GATAD2B: variants seen among roughly 807,000 people sequenced by gnomAD.
GATAD2B encodes transcriptional repressor p66-beta.
GATAD2B carries 8 observed loss-of-function variants against 64.3 expected under a neutral mutation model. The ratio of observed to expected loss-of-function variants is 0.12; its 90% CI spans 0.07 to 0.22. The LOEUF (loss-of-function observed/expected upper bound fraction) is 0.22, where lower values mean the gene tolerates loss of function less well. Among genes scored for constraint, GATAD2B ranks in the 10% least tolerant of loss-of-function variants. The pLI, the probability that GATAD2B is intolerant of heterozygous loss-of-function variation, is 1.00. For synonymous variants in GATAD2B, 281 were observed against 271.3 expected (o/e 1.04, Z -0.35); for missense variants, 453 against 752.0 (o/e 0.60, Z 4.65).
chr1:153,849,520 C>T (rs1485635939), intron 1 of GATAD2B, among the ~76,000 whole-genome samples: 1 of 152,176 alleles, frequency 6.6e-6, no homozygotes, highest in Non-Finnish European at 1.5e-5. Flanking sequence ...CAAATGACAC[C>T]ACTATTCAAA....
At chr1:153,821,244 A>G (rs980054653) in intron 2 of GATAD2B, among the ~76,000 whole-genome samples, 1 of 151,846 alleles carries the variant, frequency 6.6e-6, no homozygotes, top group African/African-American at 2.4e-5. Flanking sequence ...TCAGCCACCC[A>G]AAGTGTTGGA....
At chr1:153,877,887 TAAA>T (rs36032008) in intron 1 of GATAD2B, among the ~76,000 whole-genome samples, 3 of 110,858 alleles carry the variant, frequency 2.7e-5, no homozygotes, top group Admixed American at 9.2e-5. Flanking sequence ...CAAAAAAACT[TAAA>T]AAAAAAAAAA....
At chr1:153,859,733 T>A (rs1676213150) in intron 1 of GATAD2B, among the ~76,000 whole-genome samples, 2 of 151,618 alleles carry the variant, frequency 1.3e-5, no homozygotes, top group African/African-American at 4.8e-5. Flanking sequence ...AGTAATAATA[T>A]GTCCTAGTTT....
chr1:153,825,841 G>C (rs1448533375), intron 2 of GATAD2B, among the ~76,000 whole-genome samples: 2 of 152,166 alleles, frequency 1.3e-5, no homozygotes, highest in African/African-American at 4.8e-5. Context: ...CATGTGTAAA[G>C]TTATAACCAT....
At chr1:153,823,729 T>A (rs1327217303) in intron 2 of GATAD2B, among the ~76,000 whole-genome samples, 2 of 151,768 alleles carry the variant, frequency 1.3e-5, no homozygotes, top group African/African-American at 4.8e-5. Context: ...TTTTTTTGTT[T>A]TTTTGTTTGT....
intron 1 of GATAD2B, among the ~76,000 whole-genome samples, chr1:153,850,934 T>G (rs544401753): frequency 1.2e-3 from 176 of 150,270 alleles, no homozygotes; most frequent in Admixed American, 1.9e-3. Flanking sequence ...AAAAAAAAAG[T>G]TTTTTTTTGT....
chr1:153,915,543 A>G (rs1678238644), intron 1 of GATAD2B, among the ~76,000 whole-genome samples: 1 of 152,048 alleles, frequency 6.6e-6, no homozygotes, highest in South Asian at 2.1e-4. Flanking sequence ...TCTTTATGAG[A>G]TTCAGAAGCT....
intron 1 of GATAD2B, among the ~76,000 whole-genome samples, chr1:153,849,747 C>A (rs1174235880): frequency 1.3e-5 from 2 of 152,176 alleles, no homozygotes; most frequent in African/African-American, 4.8e-5. Context: ...TCTCCTGCCT[C>A]AGCCTCCTGA....
intron 1 of GATAD2B, among the ~76,000 whole-genome samples, chr1:153,841,381 C>T (rs1046696072): frequency 1.2e-4 from 18 of 152,140 alleles, no homozygotes; most frequent in African/African-American, 4.3e-4. Flanking sequence ...TAAGAAACAG[C>T]ACCGTTCCAT....
chr1:153,901,862 A>T (rs1370201106), intron 1 of GATAD2B, among the ~76,000 whole-genome samples: 2 of 151,236 alleles, frequency 1.3e-5, no homozygotes, highest in African/African-American at 4.9e-5. Context: ...TAAATTAAAT[A>T]AAATGGCCCT....
chr1:153,857,095 T>A (rs1676109747), intron 1 of GATAD2B, among the ~76,000 whole-genome samples: 1 of 151,640 alleles, frequency 6.6e-6, no homozygotes, highest in Admixed American at 6.6e-5. Flanking sequence ...GTATGCTTTA[T>A]AATTCCTTAT....
chr1:153,920,204 C>T (rs1678388366), intron 1 of GATAD2B, among the ~76,000 whole-genome samples: 2 of 152,202 alleles, frequency 1.3e-5, no homozygotes, highest in African/African-American at 4.8e-5. Flanking sequence ...TTACATGCAA[C>T]ACACAAGACT....
chr1:153,855,682 TA>T (rs1676060637), intron 1 of GATAD2B, among the ~76,000 whole-genome samples: 2 of 152,010 alleles, frequency 1.3e-5, no homozygotes, highest in Admixed American at 6.6e-5. Flanking sequence ...TTATTTTATA[TA>T]TTTTTTTTTT....
chr1:153,893,889 C>T (rs1677496458), intron 1 of GATAD2B, among the ~76,000 whole-genome samples: 1 of 123,598 alleles, frequency 8.1e-6, no homozygotes, highest in Admixed American at 1.1e-4. Flanking sequence ...ACCTGGGAGG[C>T]GGGGGCTGCA....
chr1:153,917,869 A>G (rs1422040124), intron 1 of GATAD2B, among the ~76,000 whole-genome samples: 2 of 152,372 alleles, frequency 1.3e-5, no homozygotes, highest in South Asian at 4.1e-4. Context: ...AAAATAGAGC[A>G]GGCAAGGATA....
In GATAD2B at chr1:153,808,643, G is replaced by A. The variant is rs1674180436; in HGVS notation, c.*1534C>T. ...GGCAGGTGGGTGTACACTATGAGAA[G>A]AGCAGAAACCCGTACCTTTAAGGGG... On this transcript the variant is annotated 3_prime_UTR_variant, in exon 11 of 11. Transcript: ENST00000368655. The A allele has an allele frequency of 6.6e-6, 1 of 152,428 alleles. No individual in the cohort carries two copies. Among genetic ancestry groups the A allele is most frequent in the Non-Finnish European group, 1.5e-5 (1 of 67,990 alleles). 9.4% of individuals were successfully genotyped at this position (152,428 alleles called of 1,614,324 possible).
intron 1 of GATAD2B, among the ~76,000 whole-genome samples, chr1:153,894,856 C>T (rs184294651): frequency 2.6e-5 from 4 of 151,540 alleles, no homozygotes; most frequent in Admixed American, 2.0e-4. Flanking sequence ...GTCGAGACTA[C>T]GTCTCAAAAA....
chr1:153,868,199 T>A (rs888264793), intron 1 of GATAD2B, among the ~76,000 whole-genome samples: 1 of 150,336 alleles, frequency 6.7e-6, no homozygotes, highest in Non-Finnish European at 1.5e-5. Flanking sequence ...GCAGACTCCA[T>A]CTCAAAAAAA....
At chr1:153,920,540 T>C (rs1678399195) in intron 1 of GATAD2B, among the ~76,000 whole-genome samples, 1 of 152,188 alleles carries the variant, frequency 6.6e-6, no homozygotes, top group South Asian at 2.1e-4. Context: ...CCTAGAAAAG[T>C]ATTTGAGTGC....
Sources: gnomAD v4.1 joint callset for allele counts (sites outside exome capture counted in the v4.1 genomes callset) on GRCh38, gnomAD v4.1.1 for gene constraint, MANE v1.5 for transcripts, NCBI Gene and HGNC (gene_info 2026-07-23, HGNC 2026-07-21) for gene names.